The following PTPN3 variants were observed in gnomAD, a reference collection of about 807,000 sequenced individuals.
PTPN3 encodes the protein tyrosine-protein phosphatase non-receptor type 3.
PTPN3 carries 96 observed loss-of-function variants against 132.7 expected under a neutral mutation model. The observed-to-expected ratio is 0.72, with a 90% CI of 0.61 to 0.86. The LOEUF (loss-of-function observed/expected upper bound fraction) is 0.86. PTPN3 is among the 40% of genes least tolerant of loss of function. PTPN3 has a pLI of 0.00. For missense variants in PTPN3, 1,125 were observed against 1,159.6 expected (o/e 0.97, Z 0.43); for synonymous variants, 398 against 429.0 (o/e 0.93, Z 0.89).
At chr9:109,530,983 G>T in the PTPN3 span, among the ~76,000 whole-genome samples, 1 of 152,112 alleles carries the variant, frequency 6.6e-6, no homozygotes, top group African/African-American at 2.4e-5. Flanking sequence ...TATCAGATAT[G>T]TGATTTGCAG....
At chr9:109,435,481 G>A (rs10979862) in intron 9 of PTPN3, among the ~76,000 whole-genome samples, 44,935 of 152,150 alleles carry the variant, frequency 0.3, 7,005 homozygotes, top group South Asian at 0.39. Context: ...TATTGCGATG[G>A]ATGGGGTGGA....
At chr9:109,398,720 G>A (rs763435779) in intron 19 of PTPN3, among the ~76,000 whole-genome samples, 6 of 152,198 alleles carry the variant, frequency 3.9e-5, no homozygotes, top group African/African-American at 9.7e-5. Context: ...GATGAAAATG[G>A]ACACTGGGAT....
In PTPN3 at chr9:109,498,214, C is replaced by G. The variant is rs996850900; in HGVS notation, c.-18+5G>C. ...CCGGCCCGCTGGGGTCGCACGGGCC[C>G]GTACCTGCAGCATCCGGGGGCGCGG... On this transcript the variant is annotated splice_donor_5th_base_variant and intron_variant, in intron 1 of 25. Coordinates refer to ENST00000374541, the MANE Select transcript of PTPN3 (RefSeq NM_002829.4). The surrounding 1 kb of genome is among the most constrained non-coding windows in gnomAD (Gnocchi z 4.2). The G allele has an allele frequency of 6.8e-6, 1 of 146,486 alleles. No homozygotes were observed. The highest frequency in any genetic ancestry group is 2.4e-5 in the African/African-American group (1 of 40,878). The allele number at this position is 146,486 out of a possible 1,614,324, so 9.1% of individuals were successfully genotyped here.
intron 14 of PTPN3, among the ~76,000 whole-genome samples, chr9:109,418,450 G>A (rs1564418012): frequency 1.3e-5 from 2 of 152,256 alleles, no homozygotes; most frequent in East Asian, 1.9e-4. Flanking sequence ...TGCCACAGAT[G>A]AGCAGCTGGG....
chr9:109,436,764 A>G (rs1206621663), intron 9 of PTPN3, 119 bp downstream of exon 9: 3 of 1,398,240 alleles, frequency 2.1e-6, no homozygotes, highest in Admixed American at 3.1e-5. Flanking sequence ...CCTTCCAAAT[A>G]TCTTTTAAAA....
chr9:109,487,923 C>G (rs1358940587), intron 1 of PTPN3, among the ~76,000 whole-genome samples: 1 of 152,092 alleles, frequency 6.6e-6, no homozygotes, highest in Non-Finnish European at 1.5e-5. Context: ...GAGTATGTTA[C>G]ATCCCTTGCA....
chr9:109,376,339 C>T lies in PTPN3; in HGVS notation c.*3217G>A, dbSNP rs896421981. Reference sequence around the variant, plus strand: ...GGATGAAGAGGGCTTTTTCGCTTGCCCTCAAATGCTCATTTCTGAGGTACC... The same window carrying T: ...GGATGAAGAGGGCTTTTTCGCTTGCTCTCAAATGCTCATTTCTGAGGTACC... On this transcript the variant is annotated 3_prime_UTR_variant, in exon 26 of 26. Coordinates refer to ENST00000374541, the MANE Select transcript of PTPN3 (RefSeq NM_002829.4). 2 of 152,172 alleles carry T rather than the reference C, an allele frequency of 1.3e-5. No homozygotes were observed. Among genetic ancestry groups the T allele is most frequent in the Admixed American group, 6.5e-5 (1 of 15,280 alleles). 9.4% of individuals were successfully genotyped at this position (152,172 alleles called of 1,614,324 possible). A position where few individuals can be genotyped will look rare whatever the true frequency, so the allele number is the denominator to read the frequency against.
chr9:109,520,262 G>A, the PTPN3 span, among the ~76,000 whole-genome samples: 34 of 152,196 alleles, frequency 2.2e-4, no homozygotes, highest in Middle Eastern at 0.017. Flanking sequence ...TTTTCCCCAG[G>A]GAACTTGACT....
intron 1 of PTPN3, among the ~76,000 whole-genome samples, chr9:109,481,223 G>C (rs981950541): frequency 1.3e-5 from 2 of 152,116 alleles, no homozygotes; most frequent in Non-Finnish European, 2.9e-5. Flanking sequence ...GAAACCCAAG[G>C]GCAGGGCAGG....
intron 14 of PTPN3, among the ~76,000 whole-genome samples, chr9:109,416,577 C>A (rs986670387): frequency 6.6e-6 from 1 of 151,722 alleles, no homozygotes; most frequent in Admixed American, 6.6e-5. Context: ...TCCCGAGCAG[C>A]CAGGACAACA....
At chr9:109,449,757 T>C (rs751846668) in intron 5 of PTPN3, 3 of 985,346 alleles carry the variant, frequency 3.0e-6, no homozygotes, top group Non-Finnish European at 3.6e-6. Flanking sequence ...AAATCTAATA[T>C]AGACAGGGCA....
Position 109,463,403 on chromosome 9 carries a change from C to A in PTPN3, c.32G>T (p.Arg11Ile). 6.2e-7 allele frequency: 1 copy of A among 1,612,370 alleles called. No individual in the cohort carries two copies. Among genetic ancestry groups the A allele is most frequent in the Non-Finnish European group, 8.5e-7 (1 of 1,179,614 alleles). ...CTCCGAGGTGCGTATATTATTAATT[C>A]TTCCACCCAACGCACGTAACCGGGA... MTSRLRALGG[R>I]INNIRTSELP... Residue 11 changes from arginine (R) to isoleucine (I), a missense_variant, in exon 2 of 26, where the codon AGA (arginine) becomes ATA (isoleucine). Arg to Ile is a moderately conservative substitution (Grantham distance 97, BLOSUM62 -3). Coordinates refer to ENST00000374541, the MANE Select transcript of PTPN3 (RefSeq NM_002829.4).
At chr9:109,462,886 T>C (rs1246478124) in intron 2 of PTPN3, among the ~76,000 whole-genome samples, 1 of 151,862 alleles carries the variant, frequency 6.6e-6, no homozygotes, top group East Asian at 2.0e-4. Flanking sequence ...CTCAGTTTCA[T>C]GGGCAACATA....
At position 109,389,300 on chromosome 9, in the gene PTPN3, CA is replaced by C; in HGVS notation, c.2185del (p.Trp729GlyfsTer15). The C allele has an allele frequency of 6.2e-7, 1 of 1,614,162 alleles. No individual in the cohort carries two copies. ...CAACTTCTGATCCCAGACAACCTGC[CA>C]AAACTGTGCACAGGTATGCGGCAGG... ...GPLPHTCAQF[W>X]QVVWDQKLSL... On this transcript the variant is annotated frameshift_variant, in exon 22 of 26. Coordinates refer to ENST00000374541, the MANE Select transcript of PTPN3 (RefSeq NM_002829.4). LOFTEE classifies it high-confidence loss of function.
At chr9:109,425,398 T>C in intron 12 of PTPN3, among the ~76,000 whole-genome samples, 1 of 152,172 alleles carries the variant, frequency 6.6e-6, no homozygotes, top group East Asian at 1.9e-4. Context: ...GAAAACAATT[T>C]TGAAAAACCA....
chr9:109,431,905 T>C (rs1248487904), intron 10 of PTPN3, among the ~76,000 whole-genome samples: 1 of 152,028 alleles, frequency 6.6e-6, no homozygotes. Flanking sequence ...ATAGTGCCTA[T>C]TTGGAGTTTA....
the PTPN3 span, among the ~76,000 whole-genome samples, chr9:109,528,216 A>G: frequency 6.6e-6 from 1 of 152,336 alleles, no homozygotes; most frequent in East Asian, 1.9e-4. Context: ...TCTTATGTCC[A>G]AACAATGTCA....
intron 17 of PTPN3, among the ~76,000 whole-genome samples, chr9:109,407,333 T>C (rs1189214402): frequency 6.6e-6 from 1 of 152,052 alleles, no homozygotes; most frequent in East Asian, 1.9e-4. Flanking sequence ...GCAGTGATCA[T>C]ACCACTGCAT....
At chr9:109,440,779 C>G (rs1264940956) in intron 7 of PTPN3, among the ~76,000 whole-genome samples, 1 of 152,212 alleles carries the variant, frequency 6.6e-6, no homozygotes. Flanking sequence ...GCAAGGTTCT[C>G]TCTTTAGGCA....
Sources: allele counts gnomAD v4.1 joint callset (sites outside exome capture counted in the v4.1 genomes callset), GRCh38; gene constraint gnomAD v4.1.1; non-coding constraint Gnocchi (gnomAD v3.1); transcripts MANE v1.5; gene names NCBI Gene and HGNC (gene_info 2026-07-23, HGNC 2026-07-21).